Variants in PHC3 observed in about 807,000 individuals in gnomAD.
PHC3 encodes the protein polyhomeotic homolog 3.
In PHC3, 13 loss-of-function variants were observed where a neutral mutation model predicts 107.4. That is an observed-to-expected ratio of 0.12 (90% CI 0.08 to 0.19). The LOEUF (loss-of-function observed/expected upper bound fraction) is 0.19. PHC3 is among the 10% of genes least tolerant of loss of function. The pLI is 1.00. For missense variants in PHC3, 992 were observed against 1,210.9 expected (o/e 0.82, Z 2.68); for synonymous variants, 456 against 427.4 (o/e 1.07, Z -0.83).
chr3:170,132,062 G>T (rs1722339786), intron 7 of PHC3, among the ~76,000 whole-genome samples: 1 of 152,078 alleles, frequency 6.6e-6, no homozygotes, highest in African/African-American at 2.4e-5. Context: ...CTCTGTAAAA[G>T]AAAAGACCTA....
chr3:170,167,183 C>T (rs1298175220), intron 4 of PHC3, among the ~76,000 whole-genome samples: 2 of 152,132 alleles, frequency 1.3e-5, no homozygotes, highest in African/African-American at 4.8e-5. Context: ...GGGTTTTGCT[C>T]TGTCACCCAG....
intron 4 of PHC3, among the ~76,000 whole-genome samples, chr3:170,163,156 T>C (rs1477250313): frequency 1.3e-5 from 2 of 152,124 alleles, no homozygotes; most frequent in Non-Finnish European, 2.9e-5. Context: ...AAACGCTCGA[T>C]AAATATTTGA....
rs11284597 is a variant in PHC3 at position 170,138,689 on chromosome 3, C to CAA, written c.673-2026_673-2025dup. 5.2e-3 allele frequency among the ~76,000 whole-genome samples: 419 copies of CAA among 81,226 alleles called. 5 individuals are homozygous for CAA. The highest frequency in any genetic ancestry group is 0.017 in the African/African-American group (373 of 21,858). The allele number at this position is 81,226 out of a possible 152,430, so 53.3% of individuals were successfully genotyped here. The stretch of plus-strand genomic sequence containing the variant: ...TGGGCAACAGAGCAAGACTCTGTCT[C>CAA]AAAAAAAAAAAAAAAAAAAAAGATA... On this transcript the variant is annotated intron_variant, in intron 6 of 14. Transcript: ENST00000495893.
rs1553788612 is a variant in PHC3 at position 170,126,528 on chromosome 3, A to ATTTTTTT, written c.1788+2149_1788+2155dup. ...TGTATATATATATATATATATATAT[A>ATTTTTTT]TTTTTTTTTTTTTTTCCTTTTTCTT... On this transcript the variant is annotated intron_variant, in intron 8 of 14. Transcript: ENST00000495893. Among the ~76,000 whole-genome samples, 28 of 90,614 alleles carry ATTTTTTT rather than the reference A, an allele frequency of 3.1e-4. 1 individual carries two copies. Among genetic ancestry groups the ATTTTTTT allele is most frequent in the African/African-American group, 1.2e-3 (26 of 22,334 alleles). The allele number at this position is 90,614 out of a possible 152,430, so 59.4% of individuals were successfully genotyped here.
In PHC3 at chr3:170,089,283, A is replaced by G. The variant is rs886754883; in HGVS notation, c.*7947T>C. ...GATGTTAACAAGTAAAGCTTTGTCAACAGGAATTACAATGTGATTCACAGA... is the reference window on the plus strand; with the variant it reads ...GATGTTAACAAGTAAAGCTTTGTCAGCAGGAATTACAATGTGATTCACAGA... On this transcript the variant is annotated 3_prime_UTR_variant, in exon 15 of 15. Transcript: ENST00000495893. 1.3e-5 allele frequency: 2 copies of G among 152,226 alleles called. No homozygotes were observed. The highest frequency in any genetic ancestry group is 4.8e-5 in the African/African-American group (2 of 41,458). The allele number at this position is 152,226 out of a possible 1,614,324, so 9.4% of individuals were successfully genotyped here. A position where few individuals can be genotyped will look rare whatever the true frequency, so the allele number is the denominator to read the frequency against.
At chr3:170,167,037 G>A (rs1463848901) in intron 4 of PHC3, among the ~76,000 whole-genome samples, 2 of 152,188 alleles carry the variant, frequency 1.3e-5, no homozygotes, top group Non-Finnish European at 2.9e-5. Context: ...ACCACTAATA[G>A]TGTATGAGTA....
intron 6 of PHC3, among the ~76,000 whole-genome samples, chr3:170,138,886 A>C (rs142761700): frequency 0.012 from 1,853 of 151,800 alleles, 40 homozygotes; most frequent in African/African-American, 0.042. Context: ...CACTTCCTTC[A>C]TTTGGAGCTC....
chr3:170,166,195 C>T (rs1241295543), intron 4 of PHC3, among the ~76,000 whole-genome samples: 1 of 151,954 alleles, frequency 6.6e-6, no homozygotes, highest in Non-Finnish European at 1.5e-5. Flanking sequence ...TAGGCACGTA[C>T]CACCATGGAA....
At chr3:170,145,349 C>T in intron 6 of PHC3, 74 bp downstream of exon 6, 1 of 1,257,174 alleles carries the variant, frequency 8.0e-7, no homozygotes. Context: ...GTAACTTAAA[C>T]ACAAATGCAA....
At chr3:170,147,729 GC>G (rs1200937417) in intron 5 of PHC3, 1 of 152,158 alleles carries the variant, frequency 6.6e-6, no homozygotes, top group Non-Finnish European at 1.5e-5. Context: ...AGAGGGTAGG[GC>G]CTGGCAACAA....
chr3:170,153,446 T>G lies in PHC3; in HGVS notation c.415-4202A>C, dbSNP rs143201654. On this transcript the variant is annotated intron_variant, in intron 4 of 14. Coordinates refer to ENST00000495893, the MANE Select transcript of PHC3 (RefSeq NM_024947.4). ...TACTTGCCAGATAATCTTTCCCTGA[T>G]TATTAATATTAATTACCCATTTAAG... Among the ~76,000 whole-genome samples the G allele has an allele frequency of 4.6e-5, 7 of 152,286 alleles. No individual in the cohort carries two copies. The East Asian group carries it at 1.4e-3, about 29-fold the overall frequency.
At chr3:170,137,710 C>A (rs889800707) in intron 6 of PHC3, among the ~76,000 whole-genome samples, 15 of 152,176 alleles carry the variant, frequency 9.9e-5, no homozygotes, top group African/African-American at 3.6e-4. Flanking sequence ...ACCAGCCTGG[C>A]CAACATGGTG....
At position 170,117,523 on chromosome 3, in the gene PHC3, G is replaced by T. The variant is rs1413733854; in HGVS notation, c.1943-47C>A. The T allele has an allele frequency of 1.9e-6, 3 of 1,558,050 alleles. No individual in the cohort carries two copies. In the South Asian group the frequency reaches 3.7e-5, roughly 19 times the overall value. Reference sequence around the variant, plus strand: ...CATTTAAAAATTTTTTTAGCATTTTGCCCAAGCAAATGAAAGAGAATTAAG... The same window carrying T: ...CATTTAAAAATTTTTTTAGCATTTTTCCCAAGCAAATGAAAGAGAATTAAG... On this transcript the variant is annotated intron_variant, in intron 9 of 14. Coordinates refer to ENST00000495893, the MANE Select transcript of PHC3 (RefSeq NM_024947.4).
chr3:170,100,609 T>A (rs1030213130), intron 14 of PHC3, among the ~76,000 whole-genome samples: 2 of 152,204 alleles, frequency 1.3e-5, no homozygotes, highest in African/African-American at 4.8e-5. Context: ...TCTAAATACC[T>A]GGCAACAAAA....
Position 170,097,441 on chromosome 3 carries a change from C to A in PHC3, c.2834-57G>T. Reference sequence around the variant, plus strand: ...TTAAATATACAACAATTAGACATTACTCCTAACAGTCACAGTTATGCTCTC... The same window carrying A: ...TTAAATATACAACAATTAGACATTAATCCTAACAGTCACAGTTATGCTCTC... On this transcript the variant is annotated intron_variant, in intron 14 of 14. Coordinates refer to ENST00000495893, the MANE Select transcript of PHC3 (RefSeq NM_024947.4). This position sits in a 1 kb window ranked among gnomAD's most constrained non-coding sequence, Gnocchi z 4.1. 6.6e-7 allele frequency: 1 copy of A among 1,525,446 alleles called. No individual in the cohort carries two copies. The allele number at this position is 1,525,446 out of a possible 1,614,324, so 94.5% of individuals were successfully genotyped here. A position where few individuals can be genotyped will look rare whatever the true frequency, so the allele number is the denominator to read the frequency against.
At chr3:170,178,960 T>C (rs1560144606) in intron 1 of PHC3, 22 bp from the exon 2 acceptor site, 2 of 1,597,832 alleles carry the variant, frequency 1.3e-6, no homozygotes, top group Non-Finnish European at 1.7e-6. Flanking sequence ...CACAAAGTGT[T>C]TGTATTGGTA....
intron 4 of PHC3, among the ~76,000 whole-genome samples, chr3:170,168,008 A>T (rs1374180604): frequency 1.3e-5 from 2 of 152,060 alleles, no homozygotes; most frequent in African/African-American, 4.8e-5. Flanking sequence ...TAAAAATTTT[A>T]AAAATGAGCC....
At position 170,097,214 on chromosome 3, in the gene PHC3, A is replaced by G; in HGVS notation, c.*16T>C. The G allele has an allele frequency of 1.9e-6, 3 of 1,584,414 alleles. No homozygotes were observed. Among genetic ancestry groups the G allele is most frequent in the Non-Finnish European group, 2.6e-6 (3 of 1,160,678 alleles). On this transcript the variant is annotated 3_prime_UTR_variant, in exon 15 of 15. Coordinates refer to ENST00000495893, the MANE Select transcript of PHC3 (RefSeq NM_024947.4). This position sits in a 1 kb window ranked among gnomAD's most constrained non-coding sequence, Gnocchi z 4.1. ...GAAAAGTAAAACTGCTGTTTTATCA[A>G]GGCTTCATGTTCCTGTTAAGATTCC...
In PHC3 at chr3:170,172,608, A is replaced by C. The variant is rs367985760; in HGVS notation, c.285T>G (p.Leu95=). ...GGGAGCTGCTTAAATGCTGCTGCTGAAGAGCTGCAGTATGCAGCATCAAGT... is the reference window on the plus strand; with the variant it reads ...GGGAGCTGCTTAAATGCTGCTGCTGCAGAGCTGCAGTATGCAGCATCAAGT... ...QQHLMLHTAA[L]QQQHLSSSQL... is the part of the protein sequence containing the mutation. The change falls in exon 3 of 15, where the codon CTT becomes CTG. Residue 95 remains leucine (L), a synonymous_variant. Coordinates refer to ENST00000495893, the MANE Select transcript of PHC3 (RefSeq NM_024947.4). The C allele has an allele frequency of 1.2e-6, 2 of 1,613,552 alleles. No individual in the cohort carries two copies. Among genetic ancestry groups the C allele is most frequent in the Non-Finnish European group, 1.7e-6 (2 of 1,179,812 alleles).
Sources: gnomAD v4.1 joint callset for allele counts (sites outside exome capture counted in the v4.1 genomes callset) on GRCh38, gnomAD v4.1.1 for gene constraint, Gnocchi (gnomAD v3.1) non-coding constraint, MANE v1.5 for transcripts, NCBI Gene and HGNC (gene_info 2026-07-23, HGNC 2026-07-21) for gene names.